The following FAT4 variants were observed in gnomAD, a reference collection of about 807,000 sequenced individuals.
The protein encoded by FAT4 is FAT atypical cadherin 4, also known as protocadherin Fat 4.
FAT4 carries 84 observed loss-of-function variants against 303.9 expected under a neutral mutation model. The observed-to-expected ratio is 0.28, with a 90% CI of 0.23 to 0.33. The LOEUF (loss-of-function observed/expected upper bound fraction) is 0.33, where lower values mean the gene tolerates loss of function less well. Among genes scored for constraint, FAT4 ranks in the 10% least tolerant of loss-of-function variants. The probability of loss-of-function intolerance (pLI) is 1.00; values close to 1 mark genes in which losing one functional copy is unlikely to be tolerated. For missense variants in FAT4, 6,005 were observed against 6,146.8 expected, an observed-to-expected ratio of 0.98 and a Z score of 0.77; for synonymous variants, 2,307 against 2,298.8, an observed-to-expected ratio of 1.00 and a Z score of -0.10.
chr4:125,412,721 T>A (rs1734893167), intron 5 of FAT4, among the ~76,000 whole-genome samples: 1 of 151,912 alleles, frequency 6.6e-6, no homozygotes, highest in East Asian at 1.9e-4. Flanking sequence ...ATTGCTCCCA[T>A]TCCTGTTGAT....
At chr4:125,356,149 GC>G (rs1732414348) in intron 2 of FAT4, among the ~76,000 whole-genome samples, 1 of 151,982 alleles carries the variant, frequency 6.6e-6, no homozygotes, top group Non-Finnish European at 1.5e-5. Flanking sequence ...ACTCAGAGTG[GC>G]CTTATCTTTG....
rs1263530547 is a variant in FAT4, at chr4:125,468,728, A to G, written c.12122A>G (p.Tyr4041Cys). The G allele has an allele frequency of 6.2e-7, 1 of 1,614,168 alleles. No individual in the cohort carries two copies. The highest frequency in any genetic ancestry group is 1.1e-5 in the South Asian group (1 of 91,088). ...GCCGAAGAAAGACTAAGATTCTCTT[A>G]TAATTTAGGCAGTGGTACATATAAG... ...EIAEERLRFS[Y>C]NLGSGTYKLT... Residue 4041 changes from tyrosine to cysteine, a missense_variant, in exon 12 of 18, where the codon TAT becomes TGT. Physicochemically the swap from Tyr to Cys is radical, Grantham distance 194. Transcript: ENST00000394329.
At position 125,434,256 on chromosome 4, in the gene FAT4, T is replaced by C; in HGVS notation, c.7030T>C (p.Leu2344=). The C allele has an allele frequency of 1.9e-6, 3 of 1,612,596 alleles. No individual in the cohort carries two copies. The highest frequency in any genetic ancestry group is 2.5e-6 in the Non-Finnish European group (3 of 1,179,262). ...TCTTTTCTTTTTAGGATCCCCTGCC[T>C]TGACTGGAACTGGAACAATCAACGT... ...ITATDSGSPA[L]TGTGTINVIV... is the part of the protein sequence containing the mutation. The change falls in exon 8 of 18, where the codon TTG becomes CTG. Residue 2344 remains leucine, a synonymous_variant. Coordinates refer to ENST00000394329, the MANE Select transcript of FAT4 (RefSeq NM_001291303.3).
chr4:125,335,976 T>C (rs1269525258), intron 2 of FAT4, among the ~76,000 whole-genome samples: 8 of 152,132 alleles, frequency 5.3e-5, no homozygotes, highest in Admixed American at 5.2e-4. Context: ...TTCAGTTATT[T>C]ACTTCTTGTG....
chr4:125,385,665 A>G (rs190317042), intron 2 of FAT4, among the ~76,000 whole-genome samples: 193 of 152,202 alleles, frequency 1.3e-3, no homozygotes, highest in Non-Finnish European at 2.1e-3. Context: ...TTTCATGGAG[A>G]TGGTTAGTTG....
chr4:125,456,059 C>T (rs1349362034), intron 10 of FAT4, among the ~76,000 whole-genome samples: 1 of 152,154 alleles, frequency 6.6e-6, no homozygotes, highest in Non-Finnish European at 1.5e-5. Flanking sequence ...TTGCTTTTAC[C>T]ATTCAGATAT....
chr4:125,442,948 A>T (rs5009911), intron 8 of FAT4, among the ~76,000 whole-genome samples: 150,891 of 152,224 alleles, frequency 0.99, 74,797 homozygotes, highest in East Asian at 1. Context: ...AAACTACCAA[A>T]TAAAAAGTAA....
chr4:125,449,639 A>G lies in FAT4; in HGVS notation c.8629A>G (p.Thr2877Ala). 2 of 1,613,948 alleles carry G rather than the reference A, an allele frequency of 1.2e-6. No homozygotes were observed. Among genetic ancestry groups the G allele is most frequent in the Non-Finnish European group, 1.7e-6 (2 of 1,179,920 alleles). ...TGACAATGCTCCAAGATTTAGCAGA[A>G]CTTCCTATTATTTAGATTGCCCTGA... is the stretch of plus-strand genomic sequence containing the variant. The part of the protein sequence containing the change: ...INDNAPRFSR[T>A]SYYLDCPELT... The change falls in exon 10 of 18, where the codon ACT (threonine) becomes GCT (alanine). Residue 2877 changes from threonine to alanine, a missense_variant. Thr to Ala is a moderately conservative substitution (Grantham distance 58). Transcript: ENST00000394329.
chr4:125,325,709 C>T (rs548253645), intron 2 of FAT4, among the ~76,000 whole-genome samples: 44 of 152,218 alleles, frequency 2.9e-4, no homozygotes, highest in African/African-American at 9.9e-4. Context: ...AAAATTAATA[C>T]GTTTTTTGTT....
chr4:125,342,590 C>G (rs1731839528), intron 2 of FAT4, among the ~76,000 whole-genome samples: 1 of 151,880 alleles, frequency 6.6e-6, no homozygotes, highest in Non-Finnish European at 1.5e-5. Flanking sequence ...GCCTTATACA[C>G]TCATATTTCC....
chr4:125,339,851 A>G (rs1396538212), intron 2 of FAT4, among the ~76,000 whole-genome samples: 1 of 152,156 alleles, frequency 6.6e-6, no homozygotes, highest in Non-Finnish European at 1.5e-5. Flanking sequence ...TCTGATAAAG[A>G]TATCGGTTTG....
intron 12 of FAT4, among the ~76,000 whole-genome samples, chr4:125,471,522 A>G (rs1289554522): frequency 6.6e-6 from 1 of 152,236 alleles, no homozygotes; most frequent in East Asian, 1.9e-4. Flanking sequence ...TTATTAAATA[A>G]ATACTTTTCT....
intron 7 of FAT4, among the ~76,000 whole-genome samples, chr4:125,423,300 A>G (rs889635474): frequency 4.1e-5 from 6 of 145,542 alleles, no homozygotes; most frequent in African/African-American, 1.5e-4. Context: ...GTCCAGGAGG[A>G]AAAAATGGTT....
rs1183872601 is a variant in FAT4 at position 125,464,127 on chromosome 4, A to G, written c.11905+460A>G. The stretch of plus-strand genomic sequence containing the variant: ...TTAATTTTGTTTTTTATGTTAATTC[A>G]GCCACTTTTATTAGAAGGACTTAGT... On this transcript the variant is annotated intron_variant, in intron 11 of 17. Coordinates refer to ENST00000394329, the MANE Select transcript of FAT4 (RefSeq NM_001291303.3). Among the ~76,000 whole-genome samples the G allele has an allele frequency of 1.3e-5, 2 of 152,066 alleles. 1 individual carries two copies. Among genetic ancestry groups the G allele is most frequent in the African/African-American group, 4.8e-5 (2 of 41,416 alleles).
chr4:125,318,675 A>T lies in FAT4; in HGVS notation c.2264A>T (p.Glu755Val). The change falls in exon 2 of 18, where the codon GAA becomes GTA. Residue 755 changes from glutamate to valine, a missense_variant. Coordinates refer to ENST00000394329, the MANE Select transcript of FAT4 (RefSeq NM_001291303.3). ...ACAAGAATGGCCCTAGACAGAGAAG[A>T]AAAAACAGCTTATCAGTTGCAAATA... ...ISTRMALDRE[E>V]KTAYQLQIVA... is the part of the protein sequence containing the mutation. 1 of 1,614,192 alleles carries T rather than the reference A, an allele frequency of 6.2e-7. No individual in the cohort carries two copies. Among genetic ancestry groups the T allele is most frequent in the Non-Finnish European group, 8.5e-7 (1 of 1,180,016 alleles).
intron 2 of FAT4, among the ~76,000 whole-genome samples, chr4:125,374,538 C>T (rs975417033): frequency 6.6e-5 from 10 of 152,236 alleles, no homozygotes; most frequent in Middle Eastern, 3.4e-3. Flanking sequence ...AATTGCAAAA[C>T]GACCCTTACT....
chr4:125,479,434 A>G (rs925813592), intron 14 of FAT4, among the ~76,000 whole-genome samples: 6 of 152,216 alleles, frequency 3.9e-5, no homozygotes, highest in Admixed American at 2.6e-4. Context: ...GATCATATGT[A>G]TTAACCAAAG....
intron 12 of FAT4, among the ~76,000 whole-genome samples, chr4:125,474,610 A>G (rs13132422): frequency 0.38 from 58,101 of 151,690 alleles, 11,145 homozygotes; most frequent in Middle Eastern, 0.46. Context: ...ATTAACTTAG[A>G]AACATTTAAG....
At position 125,317,283 on chromosome 4, in the gene FAT4, A is replaced by C. The variant is rs764506768; in HGVS notation, c.872A>C (p.Asp291Ala). The change falls in exon 2 of 18, where the codon GAC (aspartate) becomes GCC (alanine). Residue 291 changes from aspartate (D) to alanine (A), a missense_variant. Physicochemically the swap from Asp to Ala is moderately radical, Grantham distance 126. Coordinates refer to ENST00000394329, the MANE Select transcript of FAT4 (RefSeq NM_001291303.3). This position sits in a 1 kb window ranked among gnomAD's most constrained non-coding sequence, Gnocchi z 7.0. Reference protein sequence around the residue: ...TNADIRYRLQDEGTPFQMDPE... With the variant: ...TNADIRYRLQAEGTPFQMDPE... ...GCGGACATCCGCTATCGCCTGCAGG[A>C]CGAGGGGACCCCCTTCCAAATGGAC... 3.4e-5 allele frequency: 54 copies of C among 1,588,790 alleles called. No individual in the cohort carries two copies. Among genetic ancestry groups the C allele is most frequent in the Non-Finnish European group, 4.5e-5 (52 of 1,165,150 alleles).
Sources: allele counts gnomAD v4.1 joint callset (sites outside exome capture counted in the v4.1 genomes callset), GRCh38; gene constraint gnomAD v4.1.1; non-coding constraint Gnocchi (gnomAD v3.1); transcripts MANE v1.5; gene names NCBI Gene and HGNC (gene_info 2026-07-23, HGNC 2026-07-21).